Variants in TTC27 observed in about 807,000 individuals in gnomAD.
TTC27 encodes tetratricopeptide repeat domain 27, also known as tetratricopeptide repeat protein 27.
TTC27 carries 79 observed loss-of-function variants against 115.9 expected under a neutral mutation model. The observed-to-expected ratio is 0.68, with a 90% confidence interval of 0.57 to 0.82. The LOEUF is 0.82. Ranked by LOEUF, TTC27 falls within the 40% of genes least tolerant of loss-of-function variation. The pLI is 0.00. For synonymous variants in TTC27, 401 were observed against 356.0 expected (o/e 1.13, Z -1.42); for missense variants, 1,054 against 993.1 (o/e 1.06, Z -0.82).
At chr2:32,788,436 G>A (rs762098243) in intron 16 of TTC27, among the ~76,000 whole-genome samples, 1 of 152,112 alleles carries the variant, frequency 6.6e-6, no homozygotes, top group African/African-American at 2.4e-5. Flanking sequence ...GCTAGACAGG[G>A]GACTTCTTCA....
At chr2:32,701,650 G>T (rs1667187387) in intron 9 of TTC27, among the ~76,000 whole-genome samples, 1 of 152,128 alleles carries the variant, frequency 6.6e-6, no homozygotes, top group African/African-American at 2.4e-5. Flanking sequence ...ACTGTAAGGA[G>T]TCATAGGCTG....
At chr2:32,676,163 T>G (rs1437026145) in intron 8 of TTC27, among the ~76,000 whole-genome samples, 2 of 151,986 alleles carry the variant, frequency 1.3e-5, no homozygotes, top group Non-Finnish European at 2.9e-5. Flanking sequence ...TTCCCTAGAC[T>G]CTTGCTGTTC....
chr2:32,740,453 C>T (rs376815571), intron 12 of TTC27, among the ~76,000 whole-genome samples: 1 of 145,390 alleles, frequency 6.9e-6, no homozygotes, highest in African/African-American at 2.5e-5. Flanking sequence ...GTTTTGGGGG[C>T]TTTTTTTTTT....
At chr2:32,705,860 A>G (rs1413725681) in intron 10 of TTC27, among the ~76,000 whole-genome samples, 2 of 152,150 alleles carry the variant, frequency 1.3e-5, no homozygotes, top group Non-Finnish European at 2.9e-5. Flanking sequence ...TTATTGATGT[A>G]TCTTCTCTGC....
intron 13 of TTC27, among the ~76,000 whole-genome samples, chr2:32,759,026 A>G (rs368074675): frequency 1.3e-5 from 2 of 152,370 alleles, no homozygotes; most frequent in East Asian, 1.9e-4. Flanking sequence ...GAAAAAAATA[A>G]TGCGAAAGGG....
intron 11 of TTC27, among the ~76,000 whole-genome samples, chr2:32,734,313 C>A (rs1222494129): frequency 6.6e-6 from 1 of 152,116 alleles, no homozygotes; most frequent in Non-Finnish European, 1.5e-5. Flanking sequence ...CTTAAGCAAT[C>A]ACTCTTGCCT....
chr2:32,741,736 G>A (rs1668655776), intron 12 of TTC27, among the ~76,000 whole-genome samples: 2 of 152,126 alleles, frequency 1.3e-5, no homozygotes, highest in Non-Finnish European at 2.9e-5. Context: ...GTAGCAAGAA[G>A]TCAATCATAT....
At chr2:32,651,801 A>T (rs1240471938) in intron 5 of TTC27, among the ~76,000 whole-genome samples, 1 of 152,178 alleles carries the variant, frequency 6.6e-6, no homozygotes, top group African/African-American at 2.4e-5. Context: ...ACATATGCTA[A>T]TCTTAGATAA....
chr2:32,782,987 C>T (rs1670232561), intron 15 of TTC27, among the ~76,000 whole-genome samples: 1 of 152,108 alleles, frequency 6.6e-6, no homozygotes, highest in African/African-American at 2.4e-5. Flanking sequence ...TTTAGTTGGT[C>T]AACTCAGTTG....
intron 16 of TTC27, among the ~76,000 whole-genome samples, chr2:32,807,804 A>G (rs1198298004): frequency 6.6e-6 from 1 of 151,736 alleles, no homozygotes; most frequent in African/African-American, 2.4e-5. Context: ...TGAATCTTCC[A>G]TTCCTGATCC....
intron 13 of TTC27, among the ~76,000 whole-genome samples, chr2:32,774,242 C>T (rs918910300): frequency 2.0e-5 from 3 of 147,216 alleles, no homozygotes; most frequent in South Asian, 2.2e-4. Flanking sequence ...AGTGCAGTGG[C>T]GTGATTGTGG....
At chr2:32,731,053 G>A (rs936716173) in intron 10 of TTC27, among the ~76,000 whole-genome samples, 32 of 152,088 alleles carry the variant, frequency 2.1e-4, no homozygotes, top group Admixed American at 2.0e-4. Flanking sequence ...CTAGAGTTCC[G>A]TTGCGTGTGT....
intron 10 of TTC27, 40 bp downstream of exon 10, chr2:32,702,960 C>A: frequency 7.3e-7 from 1 of 1,369,318 alleles, no homozygotes; most frequent in South Asian, 1.2e-5. Context: ...TCTTCCAACT[C>A]TCTATTGCTA....
At chr2:32,634,537 C>T (rs1194338153) in intron 3 of TTC27, among the ~76,000 whole-genome samples, 2 of 151,780 alleles carry the variant, frequency 1.3e-5, no homozygotes, top group Non-Finnish European at 2.9e-5. Flanking sequence ...GGTCTGCCTG[C>T]CTCAGCCTCC....
At chr2:32,780,236 G>A (rs1360847213) in intron 14 of TTC27, 1 of 307,854 alleles carries the variant, frequency 3.2e-6, no homozygotes, top group East Asian at 7.7e-5. Flanking sequence ...GAATCTGCAG[G>A]TGAATAAGGG....
chr2:32,712,324 G>T (rs1399463276), intron 10 of TTC27, among the ~76,000 whole-genome samples: 1 of 152,184 alleles, frequency 6.6e-6, no homozygotes, highest in Non-Finnish European at 1.5e-5. Flanking sequence ...ATTATTTCAG[G>T]CTGCAATTTT....
At chr2:32,645,343 A>T (rs573973221) in intron 4 of TTC27, among the ~76,000 whole-genome samples, 19 of 152,232 alleles carry the variant, frequency 1.2e-4, no homozygotes, top group Middle Eastern at 6.8e-3. Flanking sequence ...AATGGGATAA[A>T]CTGGCAAATA....
At chr2:32,804,213 A>G (rs1377249418) in intron 16 of TTC27, among the ~76,000 whole-genome samples, 1 of 152,214 alleles carries the variant, frequency 6.6e-6, no homozygotes, top group Non-Finnish European at 1.5e-5. Flanking sequence ...TGCTGGTAAT[A>G]TGCAATTAAA....
At chr2:32,641,917 G>A (rs368928718) in intron 4 of TTC27, among the ~76,000 whole-genome samples, 80 of 152,100 alleles carry the variant, frequency 5.3e-4, no homozygotes, top group Middle Eastern at 3.4e-3. Flanking sequence ...GTGCAGTGGC[G>A]TGATCTTGAC....
Sources: gnomAD v4.1 joint callset for allele counts (sites outside exome capture counted in the v4.1 genomes callset) on GRCh38, gnomAD v4.1.1 for gene constraint, MANE v1.5 for transcripts, NCBI Gene and HGNC (gene_info 2026-07-23, HGNC 2026-07-21) for gene names.